Variants in ADGRL3 observed in about 807,000 individuals in gnomAD.
ADGRL3 encodes the protein adhesion G protein-coupled receptor L3.
ADGRL3 carries 62 observed loss-of-function variants against 153.5 expected under a neutral mutation model. The observed-to-expected ratio is 0.40, with a 90% CI of 0.33 to 0.50. ADGRL3 has a LOEUF of 0.50. Ranked by LOEUF, ADGRL3 falls within the 20% of genes least tolerant of loss-of-function variation. ADGRL3 has a pLI of 0.47. For missense variants in ADGRL3, 1,641 were observed against 1,859.4 expected (o/e 0.88, Z 2.16); for synonymous variants, 710 against 672.5 (o/e 1.06, Z -0.86).
intron 1 of ADGRL3, among the ~76,000 whole-genome samples, chr4:61,203,819 C>T (rs1206070359): frequency 6.6e-6 from 1 of 151,922 alleles, no homozygotes; most frequent in Non-Finnish European, 1.5e-5. Flanking sequence ...ATTCTCAGCT[C>T]TTTTATAATC....
chr4:61,686,687 T>TA (rs1330268138), intron 6 of ADGRL3, among the ~76,000 whole-genome samples: 2 of 152,076 alleles, frequency 1.3e-5, no homozygotes, highest in Non-Finnish European at 2.9e-5. Context: ...ATATAACATG[T>TA]TATTGTCAAC....
At chr4:61,699,977 C>CAGAG (rs763914808) in intron 6 of ADGRL3, among the ~76,000 whole-genome samples, 18 of 149,760 alleles carry the variant, frequency 1.2e-4, no homozygotes, top group South Asian at 4.2e-4. Flanking sequence ...CAAAAACACA[C>CAGAG]ACAGAGAGAG....
At chr4:62,005,137 C>T (rs1184517963) in intron 21 of ADGRL3, among the ~76,000 whole-genome samples, 1 of 152,138 alleles carries the variant, frequency 6.6e-6, no homozygotes, top group Non-Finnish European at 1.5e-5. Context: ...GCAATCACTT[C>T]TTTGAAAACT....
At chr4:61,681,919 T>G (rs1561055567) in intron 6 of ADGRL3, among the ~76,000 whole-genome samples, 1 of 151,980 alleles carries the variant, frequency 6.6e-6, no homozygotes, top group African/African-American at 2.4e-5. Context: ...TTCCAGTGCC[T>G]TTTTCTGCTT....
intron 1 of ADGRL3, among the ~76,000 whole-genome samples, chr4:61,260,119 A>G (rs569301539): frequency 6.6e-6 from 1 of 152,328 alleles, no homozygotes; most frequent in South Asian, 2.1e-4. Flanking sequence ...GAGAGATCAG[A>G]ATGATTCAGA....
At chr4:61,930,000 C>T (rs2098810952) in intron 13 of ADGRL3, among the ~76,000 whole-genome samples, 2 of 151,890 alleles carry the variant, frequency 1.3e-5, no homozygotes, top group Admixed American at 1.3e-4. Context: ...ACGGTGAAAC[C>T]CTGTCTGTAC....
intron 7 of ADGRL3, among the ~76,000 whole-genome samples, chr4:61,730,933 T>G (rs1484241399): frequency 6.6e-6 from 1 of 151,958 alleles, no homozygotes; most frequent in Non-Finnish European, 1.5e-5. Context: ...TTGTTTTTAT[T>G]TCTATGCTAG....
At chr4:61,287,565 T>C (rs2093987669) in intron 1 of ADGRL3, among the ~76,000 whole-genome samples, 2 of 152,012 alleles carry the variant, frequency 1.3e-5, no homozygotes, top group South Asian at 4.1e-4. Context: ...AAACTATAAA[T>C]TAATTCTGTA....
At chr4:61,336,946 T>G (rs1393516221) in intron 1 of ADGRL3, among the ~76,000 whole-genome samples, 1 of 151,140 alleles carries the variant, frequency 6.6e-6, no homozygotes, top group African/African-American at 2.4e-5. Context: ...TGTTCCATAC[T>G]TCCATAAAGC....
In ADGRL3 at chr4:62,073,581, T is replaced by C. The variant is rs981361640; in HGVS notation, c.*2673T>C. On this transcript the variant is annotated 3_prime_UTR_variant, in exon 27 of 27. Transcript: ENST00000683033. The stretch of plus-strand genomic sequence containing the variant: ...CAACTCTATCAGTAAGAAGCTGGTT[T>C]CACAGAAAAATGGGGAAACTACCTC... 1 of 152,138 alleles carries C rather than the reference T, an allele frequency of 6.6e-6. No homozygotes were observed. Among genetic ancestry groups the C allele is most frequent in the African/African-American group, 2.4e-5 (1 of 41,426 alleles). The allele number at this position is 152,138 out of a possible 1,614,324, so 9.4% of individuals were successfully genotyped here.
chr4:61,620,684 A>G (rs969919913), intron 5 of ADGRL3, among the ~76,000 whole-genome samples: 2 of 117,274 alleles, frequency 1.7e-5, no homozygotes, highest in African/African-American at 6.7e-5. Flanking sequence ...CTCTGTCGCC[A>G]GGCTGGAGTG....
intron 1 of ADGRL3, among the ~76,000 whole-genome samples, chr4:61,230,225 C>T (rs1043831427): frequency 2.0e-5 from 3 of 152,126 alleles, no homozygotes; most frequent in Non-Finnish European, 2.9e-5. Flanking sequence ...CAGCTATTGG[C>T]ACATAGGGAG....
At chr4:61,217,536 A>C (rs1743364519) in intron 1 of ADGRL3, among the ~76,000 whole-genome samples, 1 of 152,208 alleles carries the variant, frequency 6.6e-6, no homozygotes, top group Non-Finnish European at 1.5e-5. Flanking sequence ...AGAGAAAGTG[A>C]GTTAACGTAG....
chr4:61,263,960 T>C (rs2092700460), intron 1 of ADGRL3, among the ~76,000 whole-genome samples: 1 of 151,960 alleles, frequency 6.6e-6, no homozygotes, highest in African/African-American at 2.4e-5. Flanking sequence ...GGAAATTATT[T>C]TGAGATAGGC....
chr4:61,556,226 G>A (rs2098765809), intron 4 of ADGRL3, among the ~76,000 whole-genome samples: 1 of 152,170 alleles, frequency 6.6e-6, no homozygotes, highest in African/African-American at 2.4e-5. Flanking sequence ...GAATGGGATT[G>A]TTGATCTATT....
intron 17 of ADGRL3, among the ~76,000 whole-genome samples, chr4:61,950,775 G>A (rs1043872116): frequency 4.6e-5 from 7 of 152,138 alleles, no homozygotes; most frequent in African/African-American, 7.2e-5. Context: ...AGTGACAGGC[G>A]ATGCGTCTTG....
intron 13 of ADGRL3, among the ~76,000 whole-genome samples, chr4:61,930,173 C>T (rs1008947589): frequency 7.3e-6 from 1 of 137,214 alleles, no homozygotes; most frequent in Admixed American, 7.6e-5. Context: ...AAGACTCTGT[C>T]TCAAAAAAAA....
intron 2 of ADGRL3, among the ~76,000 whole-genome samples, chr4:61,412,542 G>A (rs11942106): frequency 1.3e-5 from 2 of 152,204 alleles, no homozygotes; most frequent in African/African-American, 4.8e-5. Context: ...GGTGTTGGTG[G>A]TAAAGTGGGT....
At chr4:61,465,812 A>T (rs1389403754) in intron 2 of ADGRL3, among the ~76,000 whole-genome samples, 1 of 144,184 alleles carries the variant, frequency 6.9e-6, no homozygotes, top group African/African-American at 2.5e-5. Context: ...TTATATAATC[A>T]TAACAAAATA....
Sources: allele counts gnomAD v4.1 joint callset (sites outside exome capture counted in the v4.1 genomes callset), GRCh38; gene constraint gnomAD v4.1.1; transcripts MANE v1.5; gene names NCBI Gene and HGNC (gene_info 2026-07-23, HGNC 2026-07-21).